The following TRIM66 variants were observed in gnomAD, a reference collection of about 807,000 sequenced individuals.
TRIM66 encodes tripartite motif containing 66, also known as tripartite motif-containing protein 66.
A neutral mutation model predicts 148.2 loss-of-function variants in TRIM66; 99 were observed. The ratio of observed to expected loss-of-function variants is 0.67; its 90% CI spans 0.57 to 0.79. The LOEUF is 0.79. Ranked by LOEUF, TRIM66 falls within the 30% of genes least tolerant of loss-of-function variation. The pLI, the probability that TRIM66 is intolerant of heterozygous loss-of-function variation, is 0.00. For synonymous variants in TRIM66, 616 were observed against 635.9 expected (o/e 0.97, Z 0.47); for missense variants, 1,666 against 1,697.9 (o/e 0.98, Z 0.33).
Position 8,641,196 on chromosome 11 carries a change from G to C in TRIM66, c.1223-44C>G. ...GAGTTTTTCAAAAGTTTTTCAAGTT[G>C]CTCCCACCTTGCTACTTCCTGCTCC... On this transcript the variant is annotated intron_variant, in intron 13 of 24. Coordinates refer to ENST00000646038, the MANE Select transcript of TRIM66 (RefSeq NM_001388022.1). 3 of 1,496,512 alleles carry C rather than the reference G, an allele frequency of 2.0e-6. No homozygotes were observed. In the Middle Eastern group the frequency reaches 5.3e-4, roughly 264 times the overall value. The allele number at this position is 1,496,512 out of a possible 1,614,324, so 92.7% of individuals were successfully genotyped here. A position where few individuals can be genotyped will look rare whatever the true frequency, so the allele number is the denominator to read the frequency against.
rs1370739646 is a variant in TRIM66 at position 8,646,404 on chromosome 11, T to C, written c.957+43A>G. ...TCCTGGGACTAGCTTGATATATGGA[T>C]GGTTTCTGAACCCAACCATCTGATC... On this transcript the variant is annotated intron_variant, in intron 11 of 24. Coordinates refer to ENST00000646038, the MANE Select transcript of TRIM66 (RefSeq NM_001388022.1). The C allele has an allele frequency of 4.0e-6, 6 of 1,503,216 alleles. No homozygotes were observed. The East Asian group carries it at 1.5e-4, about 37-fold the overall frequency. 93.1% of individuals were successfully genotyped at this position (1,503,216 alleles called of 1,614,324 possible). A position where few individuals can be genotyped will look rare whatever the true frequency, so the allele number is the denominator to read the frequency against.
intron 19 of TRIM66, 44 bp downstream of exon 19, chr11:8,621,601 T>C: frequency 6.8e-7 from 1 of 1,474,586 alleles, no homozygotes; most frequent in Non-Finnish European, 9.0e-7. Context: ...AATAAGCTCT[T>C]AGGCTGGGCC....
chr11:8,640,423 T>C lies in TRIM66; in HGVS notation c.1952A>G (p.Asp651Gly), dbSNP rs2036262381. The change falls in exon 14 of 25, where the codon GAC (aspartate) becomes GGC (glycine). Residue 651 changes from aspartate (D) to glycine (G), a missense_variant. Around this residue, in one of 3 missense-constraint regions of TRIM66, gnomAD observed 1,431 missense variants for 1,412.4 expected, o/e 1.01. Transcript: ENST00000646038. ...PPGPACSQNM[D>G]IMHHKFELEE... ...CAGCTCAAACTTGTGATGCATTATG[T>C]CCATGTTCTGAGAACAGGCAGGGCC... The C allele has an allele frequency of 6.4e-7, 1 of 1,551,692 alleles. No individual in the cohort carries two copies. The highest frequency in any genetic ancestry group is 2.0e-5 in the Admixed American group (1 of 50,940).
At chr11:8,638,617 G>A in intron 15 of TRIM66, 37 bp downstream of exon 15, 1 of 1,538,140 alleles carries the variant, frequency 6.5e-7, no homozygotes, top group Non-Finnish European at 8.8e-7. Flanking sequence ...CTGGCAGTGG[G>A]TCCCATGTAG....
intron 18 of TRIM66, among the ~76,000 whole-genome samples, chr11:8,622,242 G>C (rs564241924): frequency 1.9e-4 from 29 of 149,416 alleles, no homozygotes; most frequent in Non-Finnish European, 4.0e-4. Context: ...CCTATTGTGG[G>C]ACCCTGTGAT....
In TRIM66 at chr11:8,628,636, A is replaced by AAAAAAAGAGAGAG. The variant is rs1555042270; in HGVS notation, c.2311-3409_2311-3408insCTCTCTCTTTTTT. ...TCAAAAAAAAAAAAAAAAAAAAAAA[A>AAAAAAAGAGAGAG]AGAGAGAGAATCCAGATCTTTGGTA... is the stretch of plus-strand genomic sequence containing the variant. On this transcript the variant is annotated intron_variant, in intron 15 of 24. Transcript: ENST00000646038. Among the ~76,000 whole-genome samples, 27 of 93,380 alleles carry AAAAAAAGAGAGAG rather than the reference A, an allele frequency of 2.9e-4. 1 individual carries two copies. The highest frequency in any genetic ancestry group is 8.4e-4 in the Admixed American group (7 of 8,344). 61.3% of individuals were successfully genotyped at this position (93,380 alleles called of 152,430 possible).
Position 8,672,088 on chromosome 11 carries a change from A to C in TRIM66, c.38T>G (p.Leu13Arg). 1 of 1,527,618 alleles carries C rather than the reference A, an allele frequency of 6.5e-7. No individual in the cohort carries two copies. Among genetic ancestry groups the C allele is most frequent in the Non-Finnish European group, 8.8e-7 (1 of 1,142,594 alleles). The allele number at this position is 1,527,618 out of a possible 1,614,324, so 94.6% of individuals were successfully genotyped here. The change falls in exon 6 of 25, where the codon CTG (leucine) becomes CGG (arginine). Residue 13 changes from leucine to arginine, a missense_variant. Transcript: ENST00000646038. Reference sequence around the variant, plus strand: ...TGAGAAGCAGCGTGTAGAGCGAGCCAGCTCCACTCCCTGTAAGTGAAGCAC... The same window carrying C: ...TGAGAAGCAGCGTGTAGAGCGAGCCCGCTCCACTCCCTGTAAGTGAAGCAC... ...RLSFWSQGVE[L>R]ARSTRCFSPE...
intron 1 of TRIM66, among the ~76,000 whole-genome samples, chr11:8,681,739 T>C (rs1375931826): frequency 6.6e-6 from 1 of 152,032 alleles, no homozygotes; most frequent in Non-Finnish European, 1.5e-5. Flanking sequence ...AAACAGTCCT[T>C]GACCACATAA....
At chr11:8,631,671 C>T (rs1430620303) in intron 15 of TRIM66, among the ~76,000 whole-genome samples, 1 of 152,172 alleles carries the variant, frequency 6.6e-6, no homozygotes, top group African/African-American at 2.4e-5. Flanking sequence ...TTGTTAGCTG[C>T]CCTTATAGAA....
intron 6 of TRIM66, chr11:8,658,971 G>A (rs1290931744): frequency 4.7e-6 from 1 of 211,648 alleles, no homozygotes; most frequent in Non-Finnish European, 8.2e-6. Flanking sequence ...ACACATTTAC[G>A]ATGCACAAAG....
Position 8,621,728 on chromosome 11 carries a change from G to T in TRIM66, c.3172C>A (p.Leu1058Met). ...ASSGEMPVFK[L>M]KPQKNDQDGS... ...TCCTGATCATTCTTCTGTGGCTTCA[G>T]TTTGAACACAGGCATCTCTCCTGAG... Residue 1058 changes from leucine (L) to methionine (M), a missense_variant, in exon 19 of 25, where the codon CTG becomes ATG. By Grantham distance (15) the Leu-to-Met change is conservative. Coordinates refer to ENST00000646038, the MANE Select transcript of TRIM66 (RefSeq NM_001388022.1). The T allele has an allele frequency of 6.4e-7, 1 of 1,551,706 alleles. No individual in the cohort carries two copies. The highest frequency in any genetic ancestry group is 8.7e-7 in the Non-Finnish European group (1 of 1,147,000).
At chr11:8,619,595 T>C (rs2034004599) in intron 22 of TRIM66, 60 bp from the exon 23 acceptor site, 1 of 1,400,526 alleles carries the variant, frequency 7.1e-7, no homozygotes, top group Non-Finnish European at 9.4e-7. Flanking sequence ...AATGGAGGTG[T>C]GGATAAGAAG....
At position 8,624,492 on chromosome 11, in the gene TRIM66, G is replaced by A. The variant is rs191734161; in HGVS notation, c.2886C>T (p.Pro962=). The A allele has an allele frequency of 7.3e-5, 113 of 1,550,916 alleles. 1 individual carries two copies. In the Admixed American group the frequency reaches 1.7e-3, roughly 23 times the overall value. ...TDLLGQGPIV[P]GLDAPKDLAI... ...CCAAGTCCTTGGGAGCATCCAGACC[G>A]GGGACTATGGGACCTTGTCCCAGTA... Residue 962 remains proline (P), a synonymous_variant, in exon 17 of 25, where the codon CCC becomes CCT. Transcript: ENST00000646038.
intron 7 of TRIM66, 21 bp downstream of exon 7, chr11:8,651,779 T>C (rs1453250615): frequency 6.5e-7 from 1 of 1,544,242 alleles, no homozygotes; most frequent in Non-Finnish European, 8.8e-7. Flanking sequence ...ATCAGCTGCT[T>C]CTTTCCTTGT....
Position 8,640,500 on chromosome 11 carries a change from T to C in TRIM66, c.1875A>G (p.Pro625=). 8.3e-7 allele frequency: 1 copy of C among 1,206,912 alleles called. No homozygotes were observed. The allele number at this position is 1,206,912 out of a possible 1,614,324, so 74.8% of individuals were successfully genotyped here. ...CCAGATGCTGGGATGGAGGAAGAGGTGGGTGTGGCTGCTGTGGGGGAGGGG... is the reference window on the plus strand; with the variant it reads ...CCAGATGCTGGGATGGAGGAAGAGGCGGGTGTGGCTGCTGTGGGGGAGGGG... ...PLPPPPQQPH[P]PLPPSQHLAS... Residue 625 remains proline, a synonymous_variant, in exon 14 of 25, where the codon CCA becomes CCG. Transcript: ENST00000646038.
intron 14 of TRIM66, among the ~76,000 whole-genome samples, chr11:8,639,498 T>C (rs79596408): frequency 0.015 from 2,336 of 152,282 alleles, 67 homozygotes; most frequent in African/African-American, 0.053. Flanking sequence ...AGGTGCACCA[T>C]CCAATATCCT....
chr11:8,627,143 C>T (rs112062664), intron 15 of TRIM66, among the ~76,000 whole-genome samples: 308 of 152,344 alleles, frequency 2.0e-3, no homozygotes, highest in African/African-American at 7.0e-3. Context: ...GTTTCCCCTA[C>T]TAAAGTGTAA....
intron 6 of TRIM66, among the ~76,000 whole-genome samples, chr11:8,653,138 T>A (rs1232954314): frequency 1.3e-5 from 2 of 152,222 alleles, no homozygotes; most frequent in Non-Finnish European, 2.9e-5. Flanking sequence ...CGAAAGTTAG[T>A]TTGAGTGGTA....
rs183779698 is a variant in TRIM66 at position 8,622,424 on chromosome 11, C to T, written c.3080+392G>A. 2.9e-5 allele frequency among the ~76,000 whole-genome samples: 4 copies of T among 140,172 alleles called. No homozygotes were observed. The East Asian group carries it at 8.2e-4, about 29-fold the overall frequency. 92.0% of individuals were successfully genotyped at this position (140,172 alleles called of 152,430 possible). The stretch of plus-strand genomic sequence containing the variant: ...TGCCTCTAGAGAACCCTGACTAATA[C>T]AATCCCCAGCTGAATTGTTACTCCA... On this transcript the variant is annotated intron_variant, in intron 18 of 24. Transcript: ENST00000646038.
Sources: gnomAD v4.1 joint callset for allele counts (sites outside exome capture counted in the v4.1 genomes callset) on GRCh38, gnomAD v4.1.1 for gene constraint, gnomAD v4.1.1 regional missense constraint, MANE v1.5 for transcripts, NCBI Gene and HGNC (gene_info 2026-07-23, HGNC 2026-07-21) for gene names.